The following RNF214 variants were observed in gnomAD, a reference collection of about 807,000 sequenced individuals.
RNF214 encodes the protein ring finger protein 214.
RNF214 carries 25 observed loss-of-function variants against 75.9 expected under a neutral mutation model. The ratio of observed to expected loss-of-function variants is 0.33; its 90% CI spans 0.24 to 0.46. RNF214 has a LOEUF of 0.46. RNF214 is among the 20% of genes least tolerant of loss of function. RNF214 has a pLI of 1.00. For missense variants in RNF214, 725 were observed against 857.5 expected (o/e 0.85, Z 1.93); for synonymous variants, 314 against 308.8 (o/e 1.02, Z -0.18).
At chr11:117,233,772 A>G (rs1235910235) in intron 1 of RNF214, among the ~76,000 whole-genome samples, 3 of 152,240 alleles carry the variant, frequency 2.0e-5, no homozygotes, top group Non-Finnish European at 2.9e-5. Context: ...TGGATTGCCC[A>G]GTATTGCATT....
At chr11:117,278,865 A>G (rs763307884) in intron 6 of RNF214, among the ~76,000 whole-genome samples, 3 of 152,200 alleles carry the variant, frequency 2.0e-5, no homozygotes, top group Non-Finnish European at 4.4e-5. Context: ...CCGAGGTGGC[A>G]GGATCACTTG....
At chr11:117,245,984 A>G (rs2134367264) in intron 5 of RNF214, among the ~76,000 whole-genome samples, 1 of 151,762 alleles carries the variant, frequency 6.6e-6, no homozygotes, top group African/African-American at 2.4e-5. Context: ...TTTTTTTTTG[A>G]TACTGGATCT....
At chr11:117,240,702 A>G (rs1398153748) in intron 4 of RNF214, among the ~76,000 whole-genome samples, 1 of 150,494 alleles carries the variant, frequency 6.6e-6, no homozygotes, top group Non-Finnish European at 1.5e-5. Context: ...CAAAAATGAA[A>G]CCTCTTATTA....
chr11:117,250,673 G>GC (rs1174135112), intron 6 of RNF214, among the ~76,000 whole-genome samples: 6 of 142,110 alleles, frequency 4.2e-5, no homozygotes, highest in Non-Finnish European at 9.1e-5. Context: ...GGGGGATTTG[G>GC]CAGGGTCACA....
At chr11:117,267,344 G>A (rs755074158) in intron 6 of RNF214, among the ~76,000 whole-genome samples, 5 of 152,030 alleles carry the variant, frequency 3.3e-5, no homozygotes, top group Non-Finnish European at 7.4e-5. Context: ...GAGGTTAATA[G>A]TTTTAACTTT....
At chr11:117,246,588 A>G (rs1399316939) in intron 5 of RNF214, among the ~76,000 whole-genome samples, 2 of 152,198 alleles carry the variant, frequency 1.3e-5, no homozygotes, top group African/African-American at 2.4e-5. Flanking sequence ...ATTGCTAGAA[A>G]TTATTTTTCC....
intron 6 of RNF214, among the ~76,000 whole-genome samples, chr11:117,274,327 G>A (rs2033967248): frequency 6.8e-6 from 1 of 147,064 alleles, no homozygotes; most frequent in Non-Finnish European, 1.5e-5. Context: ...AGAGGAGAAA[G>A]CCCCTAGTAC....
chr11:117,257,000 A>G (rs1036471923), intron 6 of RNF214, among the ~76,000 whole-genome samples: 16 of 152,344 alleles, frequency 1.1e-4, no homozygotes, highest in African/African-American at 3.6e-4. Context: ...AGACTGGGAC[A>G]TCAGCCAGTA....
rs560908107 is a variant in RNF214 at position 117,272,054 on chromosome 11, T to C, written c.960-7854T>C. 2.0e-5 allele frequency among the ~76,000 whole-genome samples: 3 copies of C among 152,178 alleles called. No individual in the cohort carries two copies. The South Asian group carries it at 6.2e-4, about 32-fold the overall frequency. On this transcript the variant is annotated intron_variant, in intron 6 of 14. Transcript: ENST00000300650. Reference sequence around the variant, plus strand: ...GTCTTGAACTCCTGGGCTCAAGTGATCCTCCTACTTTGGCCTTCCAAAGTG... The same window carrying C: ...GTCTTGAACTCCTGGGCTCAAGTGACCCTCCTACTTTGGCCTTCCAAAGTG...
At chr11:117,239,559 G>C (rs965638704) in intron 3 of RNF214, 1 of 525,692 alleles carries the variant, frequency 1.9e-6, no homozygotes. Context: ...TCTCATCTCA[G>C]ACTTGAGGCT....
At chr11:117,259,274 T>C (rs1310115974) in intron 6 of RNF214, among the ~76,000 whole-genome samples, 1 of 152,216 alleles carries the variant, frequency 6.6e-6, no homozygotes, top group African/African-American at 2.4e-5. Flanking sequence ...TGAATAGTGT[T>C]CCTCTTACTA....
chr11:117,239,349 C>A (rs1438792356), intron 3 of RNF214: 2 of 549,410 alleles, frequency 3.6e-6, no homozygotes, highest in African/African-American at 3.8e-5. Flanking sequence ...ACTTTATGAC[C>A]TACGTGTAGT....
intron 6 of RNF214, among the ~76,000 whole-genome samples, chr11:117,254,877 C>T (rs1156395027): frequency 6.6e-6 from 1 of 152,154 alleles, no homozygotes; most frequent in African/African-American, 2.4e-5. Flanking sequence ...CCACCTGCCT[C>T]GGCCTCCCAA....
intron 6 of RNF214, among the ~76,000 whole-genome samples, chr11:117,254,108 G>T (rs546096148): frequency 3.3e-5 from 5 of 152,096 alleles, no homozygotes; most frequent in Non-Finnish European, 4.4e-5. Context: ...AATTAGCCAG[G>T]TGTGGTAGTG....
chr11:117,279,002 C>G (rs985689237), intron 6 of RNF214, among the ~76,000 whole-genome samples: 6 of 152,124 alleles, frequency 3.9e-5, no homozygotes, highest in African/African-American at 1.4e-4. Flanking sequence ...GAGGCTAAGG[C>G]AAGAAGATTG....
chr11:117,265,318 G>A (rs2033772307), intron 6 of RNF214, among the ~76,000 whole-genome samples: 1 of 152,118 alleles, frequency 6.6e-6, no homozygotes, highest in South Asian at 2.1e-4. Flanking sequence ...CGTGCCAGTG[G>A]ATTCAGAAAG....
Position 117,251,297 on chromosome 11 carries a change from GA to G in RNF214, c.959+4350del, listed in dbSNP as rs2033378303. ...CCGGGACGGGGCGGCTGGCCGGGCA[GA>G]GGGGCTCCTCACTTCCCAGTAGGGG... is the stretch of plus-strand genomic sequence containing the variant. On this transcript the variant is annotated intron_variant, in intron 6 of 14. Coordinates refer to ENST00000300650, the MANE Select transcript of RNF214 (RefSeq NM_207343.4). Among the ~76,000 whole-genome samples, 5 of 102,350 alleles carry G rather than the reference GA, an allele frequency of 4.9e-5. 2 individuals are homozygous for G. Among genetic ancestry groups the G allele is most frequent in the African/African-American group, 8.3e-5 (2 of 24,198 alleles). The allele number at this position is 102,350 out of a possible 152,430, so 67.1% of individuals were successfully genotyped here.
chr11:117,242,982 C>T (rs1389360530), intron 4 of RNF214, among the ~76,000 whole-genome samples: 2 of 152,044 alleles, frequency 1.3e-5, no homozygotes, highest in South Asian at 2.1e-4. Flanking sequence ...TCAAAGATTC[C>T]GGGGTCCACC....
chr11:117,261,668 C>T (rs539203883), intron 6 of RNF214, among the ~76,000 whole-genome samples: 11 of 152,188 alleles, frequency 7.2e-5, no homozygotes, highest in African/African-American at 2.6e-4. Flanking sequence ...GTGAGTGTGA[C>T]AGAGTCTCCC....
Sources: allele counts gnomAD v4.1 joint callset (sites outside exome capture counted in the v4.1 genomes callset), GRCh38; gene constraint gnomAD v4.1.1; transcripts MANE v1.5; gene names NCBI Gene and HGNC (gene_info 2026-07-23, HGNC 2026-07-21).